The following NDUFS1 variants were observed in gnomAD, a reference collection of about 807,000 sequenced individuals.
The protein encoded by NDUFS1 is NADH:ubiquinone oxidoreductase core subunit S1.
In NDUFS1, 61 loss-of-function variants were observed where a neutral mutation model predicts 84.4. The observed-to-expected ratio is 0.72, with a 90% CI of 0.59 to 0.89. The LOEUF (loss-of-function observed/expected upper bound fraction) is 0.89, where lower values mean the gene tolerates loss of function less well. Ranked by LOEUF, NDUFS1 falls within the 40% of genes least tolerant of loss-of-function variation. The probability of loss-of-function intolerance (pLI) is 0.00; values close to 1 mark genes in which losing one functional copy is unlikely to be tolerated. For synonymous variants in NDUFS1, 275 were observed against 290.0 expected (o/e 0.95, Z 0.53); for missense variants, 891 against 890.0 (o/e 1.00, Z -0.01).
At chr2:206,139,643 G>A (rs922988652) in intron 12 of NDUFS1, among the ~76,000 whole-genome samples, 8 of 151,622 alleles carry the variant, frequency 5.3e-5, no homozygotes, top group Admixed American at 4.6e-4. Context: ...TCCACAGCAG[G>A]GAACTATGGC....
chr2:206,141,357 C>T (rs1691940440), intron 12 of NDUFS1, among the ~76,000 whole-genome samples: 1 of 145,712 alleles, frequency 6.9e-6, no homozygotes, highest in Admixed American at 7.0e-5. Context: ...ACGGTGAAAC[C>T]CCGTCTCTAC....
At chr2:206,154,922 C>CTTTTT (rs71034412) in intron 1 of NDUFS1, among the ~76,000 whole-genome samples, 7 of 100,806 alleles carry the variant, frequency 6.9e-5, no homozygotes, top group South Asian at 3.4e-4. Context: ...GTGCCCGGCC[C>CTTTTT]TTTTTTTTTT....
chr2:206,148,178 G>C (rs1232539464), intron 5 of NDUFS1, among the ~76,000 whole-genome samples: 1 of 151,998 alleles, frequency 6.6e-6, no homozygotes, highest in African/African-American at 2.4e-5. Context: ...TCCCGCCCTG[G>C]CGTCCCAAAG....
chr2:206,118,704 C>T lies in NDUFS1; in HGVS notation c.*5481G>A, dbSNP rs138310018. The stretch of plus-strand genomic sequence containing the variant: ...CGCTGGCTCACATCTGGAATCCCAG[C>T]ACTTTGGGAGGCTGAGGCGGGTGAA... On this transcript the variant is annotated 3_prime_UTR_variant, in exon 19 of 19. Transcript: ENST00000233190. 1 of 152,356 alleles carries T rather than the reference C, an allele frequency of 6.6e-6. No individual in the cohort carries two copies. The highest frequency in any genetic ancestry group is 2.4e-5 in the African/African-American group (1 of 41,570). The allele number at this position is 152,356 out of a possible 1,614,324, so 9.4% of individuals were successfully genotyped here.
chr2:206,130,306 A>G, intron 14 of NDUFS1, 64 bp from the exon 15 acceptor site: 1 of 1,571,674 alleles, frequency 6.4e-7, no homozygotes, highest in South Asian at 1.1e-5. Context: ...ATTAAATGTG[A>G]TTTTTGGAAT....
chr2:206,157,807 T>C (rs923742229), intron 1 of NDUFS1, among the ~76,000 whole-genome samples: 6 of 152,180 alleles, frequency 3.9e-5, no homozygotes, highest in Non-Finnish European at 7.3e-5. Context: ...AAAATGTTAA[T>C]GACTAATCAT....
chr2:206,123,206 G>C lies in NDUFS1; in HGVS notation c.*979C>G, dbSNP rs937491110. The C allele has an allele frequency of 1.3e-5, 2 of 151,640 alleles. No homozygotes were observed. Among genetic ancestry groups the C allele is most frequent in the Admixed American group, 1.3e-4 (2 of 15,254 alleles). The allele number at this position is 151,640 out of a possible 1,614,324, so 9.4% of individuals were successfully genotyped here. ...TGTCTCCTATTGCTGAAATAATTTA[G>C]TTGATTTAACACTACAGATGGTGTT... On this transcript the variant is annotated 3_prime_UTR_variant, in exon 19 of 19. Coordinates refer to ENST00000233190, the MANE Select transcript of NDUFS1 (RefSeq NM_005006.7).
In NDUFS1 at chr2:206,142,672, T is replaced by A; in HGVS notation, c.1133+14A>T. 1 of 1,614,126 alleles carries A rather than the reference T, an allele frequency of 6.2e-7. No individual in the cohort carries two copies. Among genetic ancestry groups the A allele is most frequent in the Non-Finnish European group, 8.5e-7 (1 of 1,180,000 alleles). On this transcript the variant is annotated intron_variant, in intron 11 of 18. Coordinates refer to ENST00000233190, the MANE Select transcript of NDUFS1 (RefSeq NM_005006.7). Reference sequence around the variant, plus strand: ...AAGAAAGGAAAGCCTAGATCCTAGCTTCATATTTCTCACCCAGCTCCTGCA... The same window carrying A: ...AAGAAAGGAAAGCCTAGATCCTAGCATCATATTTCTCACCCAGCTCCTGCA...
intron 16 of NDUFS1, chr2:206,127,449 T>C (rs1691336734): frequency 2.7e-5 from 6 of 219,574 alleles, no homozygotes; most frequent in Non-Finnish European, 3.7e-5. Context: ...GCCCGGGAGG[T>C]GGAGGTTGCA....
intron 12 of NDUFS1, among the ~76,000 whole-genome samples, chr2:206,140,941 T>TACACACACACACAC (rs757622422): frequency 1.3e-3 from 88 of 67,070 alleles, no homozygotes; most frequent in Middle Eastern, 7.7e-3. Context: ...TATATATATA[T>TACACACACACACAC]ATACACACAC....
At chr2:206,143,359 G>A (rs1692037253) in intron 10 of NDUFS1, among the ~76,000 whole-genome samples, 1 of 152,154 alleles carries the variant, frequency 6.6e-6, no homozygotes, top group Admixed American at 6.6e-5. Context: ...CAACTTAGAA[G>A]GAAGCTGTTT....
At chr2:206,132,907 C>A (rs1182638248) in intron 14 of NDUFS1, 38 bp downstream of exon 14, 1 of 1,563,120 alleles carries the variant, frequency 6.4e-7, no homozygotes, top group Non-Finnish European at 8.8e-7. Context: ...CACAACATTA[C>A]TTGAATTTAT....
At chr2:206,132,897 C>A (rs1226520026) in intron 14 of NDUFS1, 48 bp downstream of exon 14, 2 of 1,524,190 alleles carry the variant, frequency 1.3e-6, no homozygotes, top group African/African-American at 1.4e-5. Flanking sequence ...CATACATATA[C>A]ACAACATTAC....
At position 206,119,882 on chromosome 2, in the gene NDUFS1, C is replaced by T. The variant is rs1418165424; in HGVS notation, c.*4303G>A. Reference sequence around the variant, plus strand: ...GATATGGTTTGGATGGCTGTCACTTCCAAATCTCATGTTGAAATGTAACCC... The same window carrying T: ...GATATGGTTTGGATGGCTGTCACTTTCAAATCTCATGTTGAAATGTAACCC... On this transcript the variant is annotated 3_prime_UTR_variant, in exon 19 of 19. Transcript: ENST00000233190. The T allele has an allele frequency of 6.6e-6, 1 of 151,796 alleles. No individual in the cohort carries two copies. Among genetic ancestry groups the T allele is most frequent in the East Asian group, 1.9e-4 (1 of 5,182 alleles). The allele number at this position is 151,796 out of a possible 1,614,324, so 9.4% of individuals were successfully genotyped here.
rs1451692633 is a variant in NDUFS1, at chr2:206,119,016, A to C, written c.*5169T>G. 6.6e-6 allele frequency: 1 copy of C among 152,358 alleles called. No homozygotes were observed. The highest frequency in any genetic ancestry group is 1.5e-5 in the Non-Finnish European group (1 of 68,174). The allele number at this position is 152,358 out of a possible 1,614,324, so 9.4% of individuals were successfully genotyped here. ...GGCAGGAGGATCGCTTGAACCCAGGAGGTGGAGGTTGCAGTGAGCTGAGAT... is the reference window on the plus strand; with the variant it reads ...GGCAGGAGGATCGCTTGAACCCAGGCGGTGGAGGTTGCAGTGAGCTGAGAT... On this transcript the variant is annotated 3_prime_UTR_variant, in exon 19 of 19. Coordinates refer to ENST00000233190, the MANE Select transcript of NDUFS1 (RefSeq NM_005006.7).
At position 206,150,023 on chromosome 2, in the gene NDUFS1, T is replaced by TTCTA. The variant is rs3217140; in HGVS notation, c.154-102_154-99dup. 0.05 allele frequency: 34,390 copies of TTCTA among 690,568 alleles called. 1,029 individuals are homozygous for TTCTA. Among genetic ancestry groups the TTCTA allele is most frequent in the African/African-American group, 0.083 (4,373 of 52,902 alleles). The allele number at this position is 690,568 out of a possible 1,614,324, so 42.8% of individuals were successfully genotyped here. ...ACACACACATACAGCATCTTATTAC[T>TTCTA]TCTATCTATCTATCTATCTATCTAT... On this transcript the variant is annotated intron_variant, in intron 3 of 18. Transcript: ENST00000233190.
In NDUFS1 at chr2:206,127,681, A is replaced by G. The variant is rs146765988; in HGVS notation, c.1884+116T>C. 278 of 1,117,366 alleles carry G rather than the reference A, an allele frequency of 2.5e-4. 3 individuals carry two copies. In the East Asian group the frequency reaches 6.4e-3, roughly 26 times the overall value. The allele number at this position is 1,117,366 out of a possible 1,614,324, so 69.2% of individuals were successfully genotyped here. ...TACATGTTTTCTATAGAAATTATTC[A>G]AATCATCTCTGCATTTCAGACTGGC... is the stretch of plus-strand genomic sequence containing the variant. On this transcript the variant is annotated intron_variant, in intron 16 of 18. Transcript: ENST00000233190.
At position 206,142,453 on chromosome 2, in the gene NDUFS1, G is replaced by A. The variant is rs4147716; in HGVS notation, c.1133+233C>T. On this transcript the variant is annotated intron_variant, in intron 11 of 18. Coordinates refer to ENST00000233190, the MANE Select transcript of NDUFS1 (RefSeq NM_005006.7). ...TGGTCTCAAACTCCTGCACTTAGGC[G>A]ATCTGCCTGCCTTGGCCTCCCAGAG... Among the ~76,000 whole-genome samples the A allele has an allele frequency of 0.062, 9,440 of 152,272 alleles. 380 individuals carry two copies. The highest frequency in any genetic ancestry group is 0.17 in the East Asian group (895 of 5,172).
In NDUFS1 at chr2:206,120,842, GACTCA is replaced by G. The variant is rs1691075939; in HGVS notation, c.*3338_*3342del. 6.6e-6 allele frequency: 1 copy of G among 152,246 alleles called. No homozygotes were observed. The highest frequency in any genetic ancestry group is 2.4e-5 in the African/African-American group (1 of 41,456). The allele number at this position is 152,246 out of a possible 1,614,324, so 9.4% of individuals were successfully genotyped here. A position where few individuals can be genotyped will look rare whatever the true frequency, so the allele number is the denominator to read the frequency against. On this transcript the variant is annotated 3_prime_UTR_variant, in exon 19 of 19. Transcript: ENST00000233190. ...TGCAGGAATACAGTTGTCCATGCTG[GACTCA>G]ACTCATTTGCTCAAGCAATCCTTGT...
Sources: gnomAD v4.1 joint callset for allele counts (sites outside exome capture counted in the v4.1 genomes callset) on GRCh38, gnomAD v4.1.1 for gene constraint, MANE v1.5 for transcripts, NCBI Gene and HGNC (gene_info 2026-07-23, HGNC 2026-07-21) for gene names.